Variants in HNF1A observed in about 807,000 individuals in gnomAD.
The protein encoded by HNF1A is hepatocyte nuclear factor 1-alpha.
In HNF1A, 21 loss-of-function variants were observed where a neutral mutation model predicts 62.2. The ratio of observed to expected loss-of-function variants is 0.34; its 90% confidence interval spans 0.24 to 0.49. The LOEUF is 0.49. Ranked by LOEUF, HNF1A falls within the 20% of genes least tolerant of loss-of-function variation. The pLI, the probability that HNF1A is intolerant of heterozygous loss-of-function variation, is 0.99. For missense variants in HNF1A, 687 were observed against 832.3 expected (o/e 0.83, Z 2.15); for synonymous variants, 374 against 366.8 (o/e 1.02, Z -0.22).
In HNF1A at chr12:120,985,446, G is replaced by A. The variant is rs569654375; in HGVS notation, c.327-3387G>A. On this transcript the variant is annotated intron_variant, in intron 1 of 9. Transcript: ENST00000257555. ...GGATCGCTTGAGCCCAGGAGTTTGA[G>A]ACCAGCCTGGCCAACATAGCAAGAC... 1.1e-4 allele frequency among the ~76,000 whole-genome samples: 16 copies of A among 147,828 alleles called. No individual in the cohort carries two copies. The South Asian group carries it at 3.6e-3, about 33-fold the overall frequency.
At chr12:121,000,925 T>A in intron 9 of HNF1A, 140 bp from the exon 10 acceptor site, 13 of 1,190,858 alleles carry the variant, frequency 1.1e-5, no homozygotes, top group Non-Finnish European at 1.6e-5. Context: ...AGGGTAGAGG[T>A]GTGACTTTGG....
intron 4 of HNF1A, among the ~76,000 whole-genome samples, chr12:120,995,236 T>A (rs1877042354): frequency 6.8e-6 from 1 of 147,802 alleles, no homozygotes; most frequent in Non-Finnish European, 1.5e-5. Context: ...CTCTATTCCA[T>A]CCACTTACTC....
At chr12:120,994,663 G>A (rs181822210) in intron 4 of HNF1A, among the ~76,000 whole-genome samples, 19 of 146,086 alleles carry the variant, frequency 1.3e-4, no homozygotes, top group African/African-American at 4.5e-4. Context: ...CACTACCTTC[G>A]ACTCCACTCC....
At position 120,989,027 on chromosome 12, in the gene HNF1A, C is replaced by T. The variant is rs201934320; in HGVS notation, c.521C>T (p.Ala174Val). Residue 174 changes from alanine to valine, a missense_variant, in exon 2 of 10, where the codon GCG becomes GTG. By Grantham distance (64) the Ala-to-Val change is moderately conservative. Transcript: ENST00000257555. The stretch of plus-strand genomic sequence containing the variant: ...TACGTCCGCAAGCAGCGAGAGGTGG[C>T]GCAGCGTAAGTAATGACCCTACCCC... ...TWYVRKQREV[A>V]QQFTHAGQGG... The T allele has an allele frequency of 7.4e-5, 119 of 1,614,080 alleles. No individual in the cohort carries two copies. The highest frequency in any genetic ancestry group is 6.5e-4 in the Admixed American group (39 of 60,026).
At position 121,002,383 on chromosome 12, in the gene HNF1A, G is replaced by A. The variant is rs1877559067; in HGVS notation, c.*1191G>A. 1.9e-6 allele frequency: 1 copy of A among 517,958 alleles called. No homozygotes were observed. The allele number at this position is 517,958 out of a possible 1,614,324, so 32.1% of individuals were successfully genotyped here. ...TGCTGCTGAGAACCTGGCCTTCAGT[G>A]TACCGCGTCTACCCTGGGATTCAGG... On this transcript the variant is annotated 3_prime_UTR_variant, in exon 10 of 10. Transcript: ENST00000257555.
At chr12:120,991,374 A>T (rs548272350) in intron 2 of HNF1A, among the ~76,000 whole-genome samples, 4 of 152,268 alleles carry the variant, frequency 2.6e-5, no homozygotes, top group Non-Finnish European at 1.5e-5. Flanking sequence ...CAGGTGGCTC[A>T]CTTGAGGGCA....
intron 2 of HNF1A, among the ~76,000 whole-genome samples, chr12:120,990,670 GTA>G (rs1565884570): frequency 6.4e-4 from 75 of 117,720 alleles, no homozygotes; most frequent in African/African-American, 2.6e-3. Flanking sequence ...GGGAGGAAAG[GTA>G]GGAAAGGGAG....
rs1400301617 is a variant in HNF1A at position 121,002,347 on chromosome 12, A to G, written c.*1155A>G. The G allele has an allele frequency of 6.3e-6, 3 of 475,496 alleles. No homozygotes were observed. Among genetic ancestry groups the G allele is most frequent in the Admixed American group, 5.9e-5 (2 of 34,050 alleles). The allele number at this position is 475,496 out of a possible 1,614,324, so 29.5% of individuals were successfully genotyped here. ...GAACCCAGGACAAGCATGGTCCCAC[A>G]TCCCTGGGCCTGCTGCTGAGAACCT... On this transcript the variant is annotated 3_prime_UTR_variant, in exon 10 of 10. Coordinates refer to ENST00000257555, the MANE Select transcript of HNF1A (RefSeq NM_000545.8).
At position 121,001,062 on chromosome 12, in the gene HNF1A, C is replaced by T. The variant is rs1877438684; in HGVS notation, c.1769-3C>T. 3.1e-6 allele frequency: 5 copies of T among 1,613,130 alleles called. No individual in the cohort carries two copies. The highest frequency in any genetic ancestry group is 1.7e-4 in the Middle Eastern group (1 of 6,060). On this transcript the variant is annotated splice_region_variant and splice_polypyrimidine_tract_variant and intron_variant, in intron 9 of 9. Transcript: ENST00000257555. ...TGGCTAGCAGCCTTGTTTGCCTCTG[C>T]AGTGTCCTCCAGCAGCCTGGTGCTG...
At chr12:120,982,818 G>A (rs1313263356) in intron 1 of HNF1A, among the ~76,000 whole-genome samples, 3 of 152,130 alleles carry the variant, frequency 2.0e-5, no homozygotes, top group African/African-American at 7.2e-5. Context: ...CAGCAACCTC[G>A]AGGTCACACT....
At chr12:120,989,349 C>T (rs1182637007) in intron 2 of HNF1A, among the ~76,000 whole-genome samples, 1 of 152,120 alleles carries the variant, frequency 6.6e-6, no homozygotes, top group Non-Finnish European at 1.5e-5. Flanking sequence ...CCTCCTCCTC[C>T]CAGGTTCAAG....
At chr12:120,984,156 A>C (rs1472118196) in intron 1 of HNF1A, among the ~76,000 whole-genome samples, 1 of 152,092 alleles carries the variant, frequency 6.6e-6, no homozygotes, top group Non-Finnish European at 1.5e-5. Flanking sequence ...TTTTTGCCCA[A>C]CTCTACTAGG....
Position 121,001,973 on chromosome 12 carries a change from G to C in HNF1A, c.*781G>C. 1.9e-6 allele frequency: 1 copy of C among 534,460 alleles called. No homozygotes were observed. The highest frequency in any genetic ancestry group is 1.5e-5 in the South Asian group (1 of 64,916). 33.1% of individuals were successfully genotyped at this position (534,460 alleles called of 1,614,324 possible). Reference sequence around the variant, plus strand: ...CTGCCTCTACTGGGAAGGCTACTTCGGGGCTGGGAAGTCGTCCTTACTCCT... The same window carrying C: ...CTGCCTCTACTGGGAAGGCTACTTCCGGGCTGGGAAGTCGTCCTTACTCCT... On this transcript the variant is annotated 3_prime_UTR_variant, in exon 10 of 10. Coordinates refer to ENST00000257555, the MANE Select transcript of HNF1A (RefSeq NM_000545.8).
In HNF1A at chr12:121,002,240, G is replaced by A; in HGVS notation, c.*1048G>A. 2.3e-6 allele frequency: 1 copy of A among 440,634 alleles called. No homozygotes were observed. Among genetic ancestry groups the A allele is most frequent in the South Asian group, 2.0e-5 (1 of 49,428 alleles). The allele number at this position is 440,634 out of a possible 1,614,324, so 27.3% of individuals were successfully genotyped here. ...AGGACTAACACTCAGAAGCCTGGGGGCCTGGCTGGCTGAGGGCAGTTCGCA... is the reference window on the plus strand; with the variant it reads ...AGGACTAACACTCAGAAGCCTGGGGACCTGGCTGGCTGAGGGCAGTTCGCA... On this transcript the variant is annotated 3_prime_UTR_variant, in exon 10 of 10. Transcript: ENST00000257555.
At chr12:120,991,509 G>A (rs777573369) in intron 2 of HNF1A, among the ~76,000 whole-genome samples, 1 of 152,214 alleles carries the variant, frequency 6.6e-6, no homozygotes, top group Non-Finnish European at 1.5e-5. Flanking sequence ...CAAGGGAATC[G>A]CTTGAACCCA....
chr12:120,997,138 C>A, intron 6 of HNF1A: 4 of 1,402,850 alleles, frequency 2.9e-6, no homozygotes, highest in Non-Finnish European at 3.7e-6. Context: ...AGATAAGGAG[C>A]TGCTAGGAGA....
rs1877104007 is a variant in HNF1A, at chr12:120,996,486, GGGAGGCCCTGTGGGGACCCCGGCCCCCC to G, written c.1108-51_1108-24del. 5 of 1,613,150 alleles carry G rather than the reference GGGAGGCCCTGTGGGGACCCCGGCCCCCC, an allele frequency of 3.1e-6. No homozygotes were observed. The South Asian group carries it at 5.5e-5, about 18-fold the overall frequency. The stretch of plus-strand genomic sequence containing the variant: ...CAGGGAGATTCTGGAGCAGTCCCTA[GGGAGGCCCTGTGGGGACCCCGGCCCCCC>G]GGACACAGCTTGGCTTCCCCTCGTA... On this transcript the variant is annotated intron_variant, in intron 5 of 9. Transcript: ENST00000257555. This position sits in a 1 kb window ranked among gnomAD's most constrained non-coding sequence, Gnocchi z 4.5.
intron 1 of HNF1A, 31 bp from the exon 2 acceptor site, chr12:120,988,802 C>A (rs775127548): frequency 5.6e-6 from 9 of 1,609,186 alleles, no homozygotes; most frequent in Non-Finnish European, 6.8e-6. Context: ...ACAGCCCTTG[C>A]TGAGCAGATC....
Position 121,001,902 on chromosome 12 carries a change from G to A in HNF1A, c.*710G>A. 2 of 513,568 alleles carry A rather than the reference G, an allele frequency of 3.9e-6. No homozygotes were observed. The highest frequency in any genetic ancestry group is 7.6e-6 in the Non-Finnish European group (2 of 264,344). The allele number at this position is 513,568 out of a possible 1,614,324, so 31.8% of individuals were successfully genotyped here. Reference sequence around the variant, plus strand: ...AGGCCCCATGACCTCCAGCTTTCCTGTATTTGTTCCCAAGAGCATCATGCC... The same window carrying A: ...AGGCCCCATGACCTCCAGCTTTCCTATATTTGTTCCCAAGAGCATCATGCC... On this transcript the variant is annotated 3_prime_UTR_variant, in exon 10 of 10. Transcript: ENST00000257555.
Sources: gnomAD v4.1 joint callset for allele counts (sites outside exome capture counted in the v4.1 genomes callset) on GRCh38, gnomAD v4.1.1 for gene constraint, Gnocchi (gnomAD v3.1) non-coding constraint, MANE v1.5 for transcripts, NCBI Gene and HGNC (gene_info 2026-07-23, HGNC 2026-07-21) for gene names.